Variants in TENM3 observed in about 807,000 individuals in gnomAD.
The protein encoded by TENM3 is teneurin-3.
Under a neutral mutation model 255.1 loss-of-function variants are expected in TENM3, and 63 were observed. The observed-to-expected ratio is 0.25, with a 90% CI of 0.20 to 0.30. TENM3 has a LOEUF of 0.30. Ranked by LOEUF, TENM3 falls within the 10% of genes least tolerant of loss-of-function variation. TENM3 has a pLI of 1.00. For missense variants in TENM3, 2,929 were observed against 3,461.1 expected, an observed-to-expected ratio of 0.85 and a Z score of 3.86; for synonymous variants, 1,306 against 1,322.3, an observed-to-expected ratio of 0.99 and a Z score of 0.27.
At chr4:182,284,219 C>T (rs146474919) in intron 1 of TENM3, among the ~76,000 whole-genome samples, 6 of 152,270 alleles carry the variant, frequency 3.9e-5, no homozygotes, top group Middle Eastern at 3.4e-3. Context: ...CAGATGAAAA[C>T]GAGTGCATGA....
chr4:181,990,916 T>C, the TENM3 span, among the ~76,000 whole-genome samples: 2 of 151,980 alleles, frequency 1.3e-5, no homozygotes, highest in Non-Finnish European at 2.9e-5. Flanking sequence ...TACTAAGGGG[T>C]GCAAGCAAAT....
chr4:181,933,679 C>T, the TENM3 span, among the ~76,000 whole-genome samples: 1 of 152,164 alleles, frequency 6.6e-6, no homozygotes, highest in African/African-American at 2.4e-5. Context: ...AGCTTGGAAG[C>T]ATTTTGTGAT....
chr4:182,142,759 A>T (rs1749551369), upstream of TENM3: 1 of 164,566 alleles, frequency 6.1e-6, no homozygotes, highest in African/African-American at 2.4e-5. Context: ...TGGTCCCAGG[A>T]GAGGGCGGGG....
Position 182,688,260 on chromosome 4 carries a change from A to C in TENM3, c.2130A>C (p.Arg710Ser). The stretch of plus-strand genomic sequence containing the variant: ...GGACGGGCCCAGCCTGTAATCAGAG[A>C]GCCTGCCACCCCCGCTGTGCCGAGC... ...EGWTGPACNQ[R>S]ACHPRCAEHG... is the part of the protein sequence containing the mutation. The change falls in exon 12 of 28, where the codon AGA becomes AGC. Residue 710 changes from arginine to serine, a missense_variant. Physicochemically the swap from Arg to Ser is moderately radical, Grantham distance 110. Coordinates refer to ENST00000511685, the MANE Select transcript of TENM3 (RefSeq NM_001080477.4). 1 of 1,613,898 alleles carries C rather than the reference A, an allele frequency of 6.2e-7. No individual in the cohort carries two copies. Among genetic ancestry groups the C allele is most frequent in the South Asian group, 1.1e-5 (1 of 91,078 alleles).
At chr4:182,073,293 C>T in the TENM3 span, among the ~76,000 whole-genome samples, 217 of 152,226 alleles carry the variant, frequency 1.4e-3, no homozygotes, top group African/African-American at 4.9e-3. Flanking sequence ...AAACCAGCCC[C>T]GTGATCCATC....
At chr4:181,520,808 G>A in the TENM3 span, among the ~76,000 whole-genome samples, 1 of 151,640 alleles carries the variant, frequency 6.6e-6, no homozygotes, top group African/African-American at 2.4e-5. Flanking sequence ...TGTCCATGTT[G>A]AACGCTCAAC....
chr4:182,051,571 G>C, the TENM3 span, among the ~76,000 whole-genome samples: 1 of 151,874 alleles, frequency 6.6e-6, no homozygotes, highest in African/African-American at 2.4e-5. Flanking sequence ...TAGAGATGGG[G>C]TTTCACCATG....
At chr4:182,543,392 G>A (rs1741095669) in intron 3 of TENM3, among the ~76,000 whole-genome samples, 1 of 152,186 alleles carries the variant, frequency 6.6e-6, no homozygotes, top group South Asian at 2.1e-4. Context: ...ATCTGGTAGG[G>A]TCATTGCTTC....
At chr4:182,168,886 A>G (rs1751901927) in intron 1 of TENM3, among the ~76,000 whole-genome samples, 1 of 152,116 alleles carries the variant, frequency 6.6e-6, no homozygotes, top group Admixed American at 6.5e-5. Context: ...ATTCATGTAT[A>G]TGTTCTGAAA....
intron 2 of TENM3, among the ~76,000 whole-genome samples, chr4:182,336,442 T>C (rs990454554): frequency 6.6e-6 from 1 of 151,916 alleles, no homozygotes; most frequent in Non-Finnish European, 1.5e-5. Context: ...CACAAAAAAC[T>C]GAAAGAAAAA....
chr4:182,156,294 C>T (rs556588953), intron 1 of TENM3, among the ~76,000 whole-genome samples: 17 of 152,182 alleles, frequency 1.1e-4, no homozygotes, highest in African/African-American at 3.4e-4. Context: ...ATGAGGTACG[C>T]GCCACTGAAG....
At chr4:181,526,268 T>TAAA in the TENM3 span, among the ~76,000 whole-genome samples, 20 of 145,140 alleles carry the variant, frequency 1.4e-4, no homozygotes, top group African/African-American at 3.8e-4. Flanking sequence ...GAATCCAAAT[T>TAAA]AAAAAAAAAA....
chr4:182,080,119 C>T, the TENM3 span, among the ~76,000 whole-genome samples: 1 of 152,188 alleles, frequency 6.6e-6, no homozygotes, highest in Non-Finnish European at 1.5e-5. Context: ...GTGTGTGCAT[C>T]TGTTCTTGCA....
chr4:181,820,486 A>AACTC, the TENM3 span, among the ~76,000 whole-genome samples: 1 of 148,082 alleles, frequency 6.8e-6, no homozygotes, highest in Non-Finnish European at 1.5e-5. Flanking sequence ...ATTTTCTTTA[A>AACTC]ACACACACAC....
upstream of TENM3, among the ~76,000 whole-genome samples, chr4:182,139,749 T>C (rs779473643): frequency 1.8e-4 from 28 of 152,248 alleles, no homozygotes; most frequent in African/African-American, 6.3e-4. Flanking sequence ...GGGTCTTTTA[T>C]GAGGCTCTAG....
the TENM3 span, among the ~76,000 whole-genome samples, chr4:181,662,412 G>T: frequency 1.3e-5 from 2 of 152,118 alleles, no homozygotes; most frequent in Non-Finnish European, 2.9e-5. Flanking sequence ...TGTTGACTGT[G>T]TTTATTATTT....
At chr4:182,050,671 G>T in the TENM3 span, among the ~76,000 whole-genome samples, 3 of 152,214 alleles carry the variant, frequency 2.0e-5, no homozygotes, top group South Asian at 4.1e-4. Context: ...AGGCATGGCG[G>T]TGCACACCTG....
intron 3 of TENM3, among the ~76,000 whole-genome samples, chr4:182,461,995 T>G (rs1458531849): frequency 6.6e-6 from 1 of 152,092 alleles, no homozygotes; most frequent in African/African-American, 2.4e-5. Context: ...TTACCCTAAA[T>G]TCTTCTGAAC....
chr4:182,679,806 A>C lies in TENM3; in HGVS notation c.1467A>C (p.Gly489=). 6.2e-7 allele frequency: 1 copy of C among 1,613,900 alleles called. No individual in the cohort carries two copies. Among genetic ancestry groups the C allele is most frequent in the South Asian group, 1.1e-5 (1 of 91,070 alleles). Residue 489 remains glycine (G), a synonymous_variant, in exon 8 of 28, where the codon GGA becomes GGC. Transcript: ENST00000511685. The part of the protein sequence containing the change: ...EAGFIQYLDS[G]IWHLAFYNDG... ...GCTTTATCCAGTACTTGGATTCTGGAATCTGGCATCTGGCTTTTTATAATG... is the reference window on the plus strand; with the variant it reads ...GCTTTATCCAGTACTTGGATTCTGGCATCTGGCATCTGGCTTTTTATAATG...
Sources: gnomAD v4.1 joint callset for allele counts (sites outside exome capture counted in the v4.1 genomes callset) on GRCh38, gnomAD v4.1.1 for gene constraint, MANE v1.5 for transcripts, NCBI Gene and HGNC (gene_info 2026-07-23, HGNC 2026-07-21) for gene names.